RABL3: variants seen among roughly 807,000 people sequenced by gnomAD.
The protein encoded by RABL3 is rab-like protein 3.
RABL3 carries 31 observed loss-of-function variants against 31.8 expected under a neutral mutation model. The ratio of observed to expected loss-of-function variants is 0.97; its 90% CI spans 0.73 to 1.31. The LOEUF (loss-of-function observed/expected upper bound fraction) is 1.31. RABL3 is among the 40% of genes most tolerant of loss of function. The pLI is 0.00. For missense variants in RABL3, 263 were observed against 279.6 expected (o/e 0.94, Z 0.42); for synonymous variants, 97 against 99.9 (o/e 0.97, Z 0.18).
intron 4 of RABL3, among the ~76,000 whole-genome samples, chr3:120,699,613 A>G (rs1260351201): frequency 6.6e-6 from 1 of 152,186 alleles, no homozygotes; most frequent in African/African-American, 2.4e-5. Context: ...AGTCGAGCAT[A>G]GCTTTTTTTC....
intron 2 of RABL3, among the ~76,000 whole-genome samples, chr3:120,711,936 G>A (rs1378983251): frequency 6.6e-6 from 1 of 151,998 alleles, no homozygotes; most frequent in East Asian, 1.9e-4. Context: ...GCCACTGATC[G>A]TCCCTGGTAT....
chr3:120,736,075 G>T (rs945394151), intron 1 of RABL3, among the ~76,000 whole-genome samples: 1 of 152,090 alleles, frequency 6.6e-6, no homozygotes, highest in East Asian at 1.9e-4. Flanking sequence ...TGGTGCAGAG[G>T]TGAGTTCAAT....
intron 6 of RABL3, 119 bp downstream of exon 6, chr3:120,694,034 A>G: frequency 3.3e-6 from 2 of 611,834 alleles, no homozygotes; most frequent in Non-Finnish European, 5.8e-6. Context: ...CAAAACAAGG[A>G]TTATTCCAGG....
At chr3:120,725,295 C>A (rs1215166472) in intron 2 of RABL3, among the ~76,000 whole-genome samples, 1 of 152,138 alleles carries the variant, frequency 6.6e-6, no homozygotes, top group African/African-American at 2.4e-5. Context: ...AGTCAGGAAA[C>A]AACAGGTGCT....
chr3:120,730,924 T>G, intron 1 of RABL3, 137 bp from the exon 2 acceptor site: 1 of 653,808 alleles, frequency 1.5e-6, no homozygotes. Flanking sequence ...AATATAAGCT[T>G]CACTGAATAA....
chr3:120,722,101 C>A (rs1472660360), intron 2 of RABL3: 1 of 152,194 alleles, frequency 6.6e-6, no homozygotes, highest in Non-Finnish European at 1.5e-5. Context: ...GTTATTCTGA[C>A]TACCCCGACG....
chr3:120,690,513 C>T (rs371329667), intron 6 of RABL3, 26 bp from the exon 7 acceptor site: 40 of 1,585,338 alleles, frequency 2.5e-5, no homozygotes, highest in African/African-American at 1.8e-4. Flanking sequence ...ATTTTAAAGG[C>T]TTAGCACACA....
chr3:120,713,913 C>T (rs370994442), intron 2 of RABL3, among the ~76,000 whole-genome samples: 11 of 150,474 alleles, frequency 7.3e-5, no homozygotes, highest in East Asian at 3.9e-4. Context: ...CTGGGTTCAG[C>T]GATTCTCCTG....
At chr3:120,695,754 T>C (rs748711531) in intron 5 of RABL3, among the ~76,000 whole-genome samples, 3 of 152,302 alleles carry the variant, frequency 2.0e-5, no homozygotes, top group Non-Finnish European at 4.4e-5. Context: ...TTTTATAAAA[T>C]AGATATTGAT....
At chr3:120,737,584 A>T (rs1379898417) in intron 1 of RABL3, among the ~76,000 whole-genome samples, 2 of 152,212 alleles carry the variant, frequency 1.3e-5, no homozygotes, top group African/African-American at 4.8e-5. Context: ...GTTTCTTTGC[A>T]GGGGGAGAGG....
intron 3 of RABL3, 111 bp downstream of exon 3, chr3:120,709,669 A>T: frequency 1.3e-6 from 1 of 774,802 alleles, no homozygotes; most frequent in Non-Finnish European, 2.0e-6. Flanking sequence ...GGTTGTGAGT[A>T]CATTATATCT....
chr3:120,685,561 A>G lies in RABL3; in HGVS notation c.*4262T>C, dbSNP rs1464469464. Among the ~76,000 whole-genome samples the G allele has an allele frequency of 2.6e-5, 4 of 152,210 alleles. No individual in the cohort carries two copies. Among genetic ancestry groups the G allele is most frequent in the Non-Finnish European group, 4.4e-5 (3 of 68,048 alleles). Reference sequence around the variant, plus strand: ...GTAATAAAAATGATAGCAATACATGAAAGACAAATACTTGTTTTGCCAACA... The same window carrying G: ...GTAATAAAAATGATAGCAATACATGGAAGACAAATACTTGTTTTGCCAACA... On this transcript the variant is annotated 3_prime_UTR_variant, in exon 8 of 8. Coordinates refer to ENST00000273375, the MANE Select transcript of RABL3 (RefSeq NM_173825.5).
chr3:120,713,086 A>G (rs1445230025), intron 2 of RABL3, among the ~76,000 whole-genome samples: 2 of 152,120 alleles, frequency 1.3e-5, no homozygotes, highest in African/African-American at 2.4e-5. Flanking sequence ...CTAAAGGACT[A>G]TAACTCCTCT....
chr3:120,711,207 C>G (rs574413094), intron 2 of RABL3, among the ~76,000 whole-genome samples: 2 of 152,186 alleles, frequency 1.3e-5, no homozygotes, highest in African/African-American at 4.8e-5. Flanking sequence ...AGTCTCTTTT[C>G]TTTTCTATCA....
intron 2 of RABL3, among the ~76,000 whole-genome samples, chr3:120,730,297 AC>A (rs1708867425): frequency 6.6e-6 from 1 of 152,200 alleles, no homozygotes; most frequent in Non-Finnish European, 1.5e-5. Context: ...GGAACAAATG[AC>A]CCAGACATGA....
At chr3:120,741,912 G>T (rs1015906282) in intron 1 of RABL3, among the ~76,000 whole-genome samples, 1 of 152,106 alleles carries the variant, frequency 6.6e-6, no homozygotes, top group Non-Finnish European at 1.5e-5. Context: ...CGTGGACTCC[G>T]CGTTCAAAAG....
intron 2 of RABL3, among the ~76,000 whole-genome samples, chr3:120,712,500 T>C (rs1353204696): frequency 6.6e-6 from 1 of 152,196 alleles, no homozygotes; most frequent in Non-Finnish European, 1.5e-5. Context: ...TTATCTGTTA[T>C]GAAAAAGCTC....
intron 4 of RABL3, among the ~76,000 whole-genome samples, chr3:120,699,835 G>C (rs916559529): frequency 3.9e-5 from 6 of 152,086 alleles, no homozygotes; most frequent in African/African-American, 1.4e-4. Flanking sequence ...GCATGATCAA[G>C]ACCTTTGATT....
Position 120,694,163 on chromosome 3 carries a change from A to C in RABL3, c.596T>G (p.Phe199Cys). The C allele has an allele frequency of 6.2e-7, 1 of 1,604,690 alleles. No individual in the cohort carries two copies. Among genetic ancestry groups the C allele is most frequent in the South Asian group, 1.1e-5 (1 of 90,096 alleles). ...GSSNAVKLSR[F>C]FDKVIEKRYF... ...AATTGAAACCATTACCTTATCAAAA[A>C]ACCTACTGAGCTTGACAGCATTGGA... Residue 199 changes from phenylalanine to cysteine, a missense_variant, in exon 6 of 8, where the codon TTT (phenylalanine) becomes TGT (cysteine). Phe to Cys is a radical substitution (Grantham distance 205, BLOSUM62 -2). Transcript: ENST00000273375.
Sources: gnomAD v4.1 joint callset for allele counts (sites outside exome capture counted in the v4.1 genomes callset) on GRCh38, gnomAD v4.1.1 for gene constraint, MANE v1.5 for transcripts, NCBI Gene and HGNC (gene_info 2026-07-23, HGNC 2026-07-21) for gene names.